CEP290: variants seen among roughly 807,000 people sequenced by gnomAD.
CEP290 encodes centrosomal protein 290.
CEP290 carries 317 observed loss-of-function variants against 344.9 expected under a neutral mutation model. The observed-to-expected ratio is 0.92, with a 90% CI of 0.84 to 1.01. The LOEUF (loss-of-function observed/expected upper bound fraction) is 1.01. Among genes scored for constraint, CEP290 ranks in the 50% least tolerant of loss-of-function variants. The pLI, the probability that CEP290 is intolerant of heterozygous loss-of-function variation, is 0.00. For synonymous variants in CEP290, 932 were observed against 895.8 expected (o/e 1.04, Z -0.72); for missense variants, 2,754 against 2,761.4 (o/e 1.00, Z 0.06).
In CEP290 at chr12:88,117,082, C is replaced by A; in HGVS notation, c.1775G>T (p.Arg592Ile). Residue 592 changes from arginine (R) to isoleucine (I), a missense_variant, in exon 18 of 54, where the codon AGA becomes ATA. Physicochemically the swap from Arg to Ile is moderately conservative, Grantham distance 97 (BLOSUM62 -3). Transcript: ENST00000552810. ...NISQGDRISE[R>I]KLDLLSLKNM... ...TTTGAGGCTCAATAAATCCAATTTT[C>A]TTTCACTTATTCTATCTCCTTGAGA... 1 of 1,558,532 alleles carries A rather than the reference C, an allele frequency of 6.4e-7. No individual in the cohort carries two copies. Among genetic ancestry groups the A allele is most frequent in the Non-Finnish European group, 8.7e-7 (1 of 1,148,500 alleles).
chr12:88,141,402 CA>C, intron 1 of CEP290, 68 bp from the exon 2 acceptor site: 1 of 703,948 alleles, frequency 1.4e-6, no homozygotes, highest in Non-Finnish European at 2.2e-6. Flanking sequence ...TAGCACCTTA[CA>C]TTTTTTGCAG....
intron 41 of CEP290, among the ~76,000 whole-genome samples, chr12:88,073,995 C>A (rs1231339843): frequency 6.6e-6 from 1 of 152,034 alleles, no homozygotes; most frequent in African/African-American, 2.4e-5. Flanking sequence ...GGGGCCAAGG[C>A]GGGCAGATCA....
rs2137183194 is a variant in CEP290, at chr12:88,084,640, A to G, written c.4650T>C (p.Asn1550=). The change falls in exon 35 of 54, where the codon AAT becomes AAC. Residue 1550 remains asparagine, a synonymous_variant. Transcript: ENST00000552810. The stretch of plus-strand genomic sequence containing the variant: ...ACTTCTTTAATACTTCTTCTTTTTG[A>G]TTTAACCTTGCTTGCATGTTTGCAA... ...QTIANMQARL[N]QKEEVLKKYQ... is the part of the protein sequence containing the mutation. 1 of 1,613,326 alleles carries G rather than the reference A, an allele frequency of 6.2e-7. No individual in the cohort carries two copies. Among genetic ancestry groups the G allele is most frequent in the Non-Finnish European group, 8.5e-7 (1 of 1,179,446 alleles).
At chr12:88,089,528 T>C in intron 30 of CEP290, 41 bp from the exon 31 acceptor site, 1 of 1,331,816 alleles carries the variant, frequency 7.5e-7, no homozygotes, top group Non-Finnish European at 9.8e-7. Context: ...AAGTTTCAAA[T>C]TTTTCCAGTG....
chr12:88,059,873 T>C lies in CEP290; in HGVS notation c.6645+25A>G, dbSNP rs2034326628. On this transcript the variant is annotated intron_variant, in intron 48 of 53. Coordinates refer to ENST00000552810, the MANE Select transcript of CEP290 (RefSeq NM_025114.4). The stretch of plus-strand genomic sequence containing the variant: ...TATTAAGTAAAATAAAAATCAAAAG[T>C]TATAATCAGTCATAAAAGTCATACT... The C allele has an allele frequency of 1.2e-5, 19 of 1,549,252 alleles. No homozygotes were observed. The East Asian group carries it at 4.1e-4, about 33-fold the overall frequency.
intron 32 of CEP290, 89 bp from the exon 33 acceptor site, chr12:88,086,587 C>T (rs1487323993): frequency 1.2e-6 from 1 of 816,560 alleles, no homozygotes; most frequent in African/African-American, 1.8e-5. Context: ...ATCTAATCCT[C>T]ACAACACATT....
intron 21 of CEP290, 28 bp downstream of exon 21, chr12:88,111,666 A>C: frequency 6.6e-7 from 1 of 1,525,550 alleles, no homozygotes; most frequent in Non-Finnish European, 8.8e-7. Context: ...TATGTTTAGC[A>C]TTTTCTTTTA....
At chr12:88,060,207 T>C (rs1287556816) in intron 47 of CEP290, among the ~76,000 whole-genome samples, 187 bp from the exon 48 acceptor site, 1 of 152,220 alleles carries the variant, frequency 6.6e-6, no homozygotes, top group Non-Finnish European at 1.5e-5. Flanking sequence ...TAGAATAAAT[T>C]GATGACTTAA....
intron 21 of CEP290, 70 bp from the exon 22 acceptor site, chr12:88,111,421 T>A: frequency 7.2e-7 from 1 of 1,381,402 alleles, no homozygotes; most frequent in African/African-American, 1.5e-5. Context: ...GACAGATATG[T>A]GAATGCCCTG....
At chr12:88,113,925 A>G (rs139421354) in intron 20 of CEP290, among the ~76,000 whole-genome samples, 6 of 152,238 alleles carry the variant, frequency 3.9e-5, no homozygotes, top group African/African-American at 1.4e-4. Flanking sequence ...AACAAAAGCA[A>G]GCAGATTTTG....
chr12:88,140,599 C>A (rs774771667), intron 3 of CEP290, among the ~76,000 whole-genome samples: 2 of 152,210 alleles, frequency 1.3e-5, no homozygotes, highest in Non-Finnish European at 2.9e-5. Context: ...TCTAACACTA[C>A]TCCTCAGTAT....
rs1373945911 is a variant in CEP290, at chr12:88,102,970, T to C, written c.2859A>G (p.Val953=). The part of the protein sequence containing the change: ...IFKIAALQKV[V]DNSVSLSELE... ...GTTCAGACAAAGAAACACTATTATC[T>C]ACAACTTTTTGGAGAGCTGCAATCT... The change falls in exon 26 of 54, where the codon GTA becomes GTG. Residue 953 remains valine, a synonymous_variant. Transcript: ENST00000552810. 3 of 1,580,488 alleles carry C rather than the reference T, an allele frequency of 1.9e-6. No individual in the cohort carries two copies. The highest frequency in any genetic ancestry group is 2.6e-6 in the Non-Finnish European group (3 of 1,168,276).
chr12:88,055,844 GT>G (rs1221014702), intron 49 of CEP290, 127 bp from the exon 50 acceptor site: 4 of 680,172 alleles, frequency 5.9e-6, no homozygotes, highest in Non-Finnish European at 9.1e-6. Context: ...TCTAGTCAAA[GT>G]TTTAGCTACA....
At position 88,106,758 on chromosome 12, in the gene CEP290, T is replaced by C. The variant is rs1434834681; in HGVS notation, c.2734A>G (p.Lys912Glu). The change falls in exon 25 of 54, where the codon AAA (lysine) becomes GAA (glutamate). Residue 912 changes from lysine to glutamate, a missense_variant. By Grantham distance (56) the Lys-to-Glu change is moderately conservative (BLOSUM62 1). Coordinates refer to ENST00000552810, the MANE Select transcript of CEP290 (RefSeq NM_025114.4). The part of the protein sequence containing the change: ...TLVELERQLR[K>E]ENEKQKNELL... ...TCATTCTTTTGCTTCTCATTTTCTT[T>C]TCTAAGTTGTCGCTCCAATTCTACT... 1 of 1,611,116 alleles carries C rather than the reference T, an allele frequency of 6.2e-7. No individual in the cohort carries two copies. The highest frequency in any genetic ancestry group is 8.5e-7 in the Non-Finnish European group (1 of 1,178,438).
At chr12:88,084,966 A>T (rs2036470645) in intron 34 of CEP290, 114 bp from the exon 35 acceptor site, 1 of 755,046 alleles carries the variant, frequency 1.3e-6, no homozygotes, top group Admixed American at 3.3e-5. Context: ...TTTTCACATC[A>T]TATGTACAAT....
chr12:88,068,428 T>A, intron 44 of CEP290, 94 bp downstream of exon 44: 1 of 813,640 alleles, frequency 1.2e-6, no homozygotes, highest in South Asian at 2.9e-5. Context: ...GAGAAAGATG[T>A]AATGCTTTTG....
intron 6 of CEP290, among the ~76,000 whole-genome samples, chr12:88,135,048 A>T (rs2040279559): frequency 6.6e-6 from 1 of 152,180 alleles, no homozygotes; most frequent in Admixed American, 6.5e-5. Context: ...CTCCCTAAGT[A>T]TCATATTATC....
At chr12:88,079,368 C>T (rs2036023776) in intron 38 of CEP290, 139 bp from the exon 39 acceptor site, 2 of 622,918 alleles carry the variant, frequency 3.2e-6, no homozygotes, top group African/African-American at 3.9e-5. Flanking sequence ...GAACATATTT[C>T]ACAAATTAAC....
chr12:88,128,547 A>G (rs2138063330), intron 11 of CEP290, among the ~76,000 whole-genome samples: 1 of 152,240 alleles, frequency 6.6e-6, no homozygotes, highest in East Asian at 1.9e-4. Context: ...GCTTATTCCC[A>G]TTCCCACTGA....
Sources: allele counts gnomAD v4.1 joint callset (sites outside exome capture counted in the v4.1 genomes callset), GRCh38; gene constraint gnomAD v4.1.1; transcripts MANE v1.5; gene names NCBI Gene and HGNC (gene_info 2026-07-23, HGNC 2026-07-21).